The following SESTD1 variants were observed in gnomAD, a reference collection of about 807,000 sequenced individuals.
SESTD1 encodes SEC14 domain and spectrin repeat-containing protein 1.
Under a neutral mutation model 101.7 loss-of-function variants are expected in SESTD1, and 43 were observed. The ratio of observed to expected loss-of-function variants is 0.42; its 90% confidence interval spans 0.33 to 0.55. SESTD1 has a LOEUF of 0.55. Among genes scored for constraint, SESTD1 ranks in the 20% least tolerant of loss-of-function variants. The probability of loss-of-function intolerance (pLI) is 0.07; values close to 1 mark genes in which losing one functional copy is unlikely to be tolerated. For missense variants in SESTD1, 647 were observed against 815.1 expected, an observed-to-expected ratio of 0.79 and a Z score of 2.51; for synonymous variants, 283 against 286.8, an observed-to-expected ratio of 0.99 and a Z score of 0.13.
Position 179,105,229 on chromosome 2 carries a change from T to C in SESTD1, c.*4670A>G, listed in dbSNP as rs1468307332. On this transcript the variant is annotated 3_prime_UTR_variant, in exon 18 of 18. Transcript: ENST00000428443. ...TTGGGATACTTAAATAACAGATTTA[T>C]GCTGTTGTTGTTTCTACTGGTCGGT... 1 of 151,858 alleles carries C rather than the reference T, an allele frequency of 6.6e-6. No individual in the cohort carries two copies. Among genetic ancestry groups the C allele is most frequent in the Non-Finnish European group, 1.5e-5 (1 of 67,968 alleles). The allele number at this position is 151,858 out of a possible 1,614,324, so 9.4% of individuals were successfully genotyped here. A position where few individuals can be genotyped will look rare whatever the true frequency, so the allele number is the denominator to read the frequency against.
intron 1 of SESTD1, among the ~76,000 whole-genome samples, chr2:179,239,175 T>A (rs1284665261): frequency 6.6e-6 from 1 of 152,166 alleles, no homozygotes; most frequent in Non-Finnish European, 1.5e-5. Flanking sequence ...ATGGATTATA[T>A]AGGATGCTAT....
chr2:179,168,356 T>C (rs1490956287), intron 5 of SESTD1, among the ~76,000 whole-genome samples: 1 of 152,208 alleles, frequency 6.6e-6, no homozygotes, highest in Admixed American at 6.5e-5. Context: ...TTTGTGTTAA[T>C]TGACTGTTTA....
In SESTD1 at chr2:179,245,515, CAAAAAAAAAAA is replaced by C. The variant is rs59103658; in HGVS notation, c.-26+18973_-26+18983del. The stretch of plus-strand genomic sequence containing the variant: ...TGGGCGACAGAGTGAGACTCTGTCT[CAAAAAAAAAAA>C]AAAAAAAAAAAAAAAAGTAGCCAGA... On this transcript the variant is annotated intron_variant, in intron 1 of 17. Coordinates refer to ENST00000428443, the MANE Select transcript of SESTD1 (RefSeq NM_178123.5). Among the ~76,000 whole-genome samples the C allele has an allele frequency of 3.5e-4, 16 of 45,200 alleles. No individual in the cohort carries two copies. In the East Asian group the frequency reaches 6.7e-3, roughly 19 times the overall value. The allele number at this position is 45,200 out of a possible 152,430, so 29.7% of individuals were successfully genotyped here. A position where few individuals can be genotyped will look rare whatever the true frequency, so the allele number is the denominator to read the frequency against.
chr2:179,153,009 T>A (rs994818671), intron 5 of SESTD1, among the ~76,000 whole-genome samples: 2 of 151,994 alleles, frequency 1.3e-5, no homozygotes, highest in Non-Finnish European at 2.9e-5. Flanking sequence ...AAACTTCTGA[T>A]AGGAGGAAGC....
intron 1 of SESTD1, among the ~76,000 whole-genome samples, chr2:179,255,924 T>C (rs1337584746): frequency 6.6e-6 from 1 of 152,196 alleles, no homozygotes. Flanking sequence ...CAGTCTGTTC[T>C]CTATAAATGG....
At chr2:179,158,276 T>G (rs2045667134) in intron 5 of SESTD1, among the ~76,000 whole-genome samples, 1 of 152,204 alleles carries the variant, frequency 6.6e-6, no homozygotes, top group African/African-American at 2.4e-5. Flanking sequence ...ACATTTAATT[T>G]GGGCCATTCT....
rs959385618 is a variant in SESTD1, at chr2:179,106,386, C to T, written c.*3513G>A. 2.0e-5 allele frequency: 3 copies of T among 152,126 alleles called. No homozygotes were observed. The highest frequency in any genetic ancestry group is 6.6e-5 in the Admixed American group (1 of 15,260). The allele number at this position is 152,126 out of a possible 1,614,324, so 9.4% of individuals were successfully genotyped here. On this transcript the variant is annotated 3_prime_UTR_variant, in exon 18 of 18. Transcript: ENST00000428443. ...AGTAGTACATAATAATGCCCAATCTCTATTAGCAAGTAACTTACAATGTAG... is the reference window on the plus strand; with the variant it reads ...AGTAGTACATAATAATGCCCAATCTTTATTAGCAAGTAACTTACAATGTAG...
intron 4 of SESTD1, among the ~76,000 whole-genome samples, chr2:179,174,201 C>T (rs1192570943): frequency 6.6e-6 from 1 of 152,154 alleles, no homozygotes; most frequent in Non-Finnish European, 1.5e-5. Context: ...CAGTTATAGG[C>T]ACTGTGGGGT....
rs1461250497 is a variant in SESTD1 at position 179,185,690 on chromosome 2, A to ATATAGTATATTATATACAATATATAC, written c.56-2503_56-2502insGTATATATTGTATATAATATACTATA. ...TATATAATATAGCATATTATATATA[A>ATATAGTATATTATATACAATATATAC]TATAGTATATTATATACAATATATA... On this transcript the variant is annotated intron_variant, in intron 2 of 17. Transcript: ENST00000428443. Among the ~76,000 whole-genome samples, 27 of 126,650 alleles carry ATATAGTATATTATATACAATATATAC rather than the reference A, an allele frequency of 2.1e-4. No individual in the cohort carries two copies. The East Asian group carries it at 6.0e-3, about 28-fold the overall frequency. The allele number at this position is 126,650 out of a possible 152,430, so 83.1% of individuals were successfully genotyped here.
chr2:179,117,903 A>C (rs1205298725), intron 13 of SESTD1, among the ~76,000 whole-genome samples: 6 of 152,024 alleles, frequency 3.9e-5, no homozygotes, highest in Non-Finnish European at 8.8e-5. Flanking sequence ...ACTAAAACCC[A>C]AAAAAAATCT....
intron 5 of SESTD1, among the ~76,000 whole-genome samples, chr2:179,160,172 T>A (rs1219827172): frequency 6.6e-6 from 1 of 152,194 alleles, no homozygotes; most frequent in Non-Finnish European, 1.5e-5. Flanking sequence ...TCAAATTTTT[T>A]AAAGTCCATC....
chr2:179,227,480 T>C (rs532845907), intron 1 of SESTD1, among the ~76,000 whole-genome samples: 4 of 152,300 alleles, frequency 2.6e-5, no homozygotes, highest in Admixed American at 2.0e-4. Context: ...CTAGCAAGTA[T>C]TTCTAAGAAT....
Position 179,115,354 on chromosome 2 carries a change from C to T in SESTD1, c.1648-98G>A, listed in dbSNP as rs1057352566. On this transcript the variant is annotated intron_variant, in intron 15 of 17. Coordinates refer to ENST00000428443, the MANE Select transcript of SESTD1 (RefSeq NM_178123.5). ...AGATTGTCGTTACAGTTAAGTGACA[C>T]TACTAGAAATCAATACTGAATAAAT... 2.5e-5 allele frequency: 21 copies of T among 840,318 alleles called. No individual in the cohort carries two copies. In the African/African-American group the frequency reaches 2.8e-4, roughly 11 times the overall value. The allele number at this position is 840,318 out of a possible 1,614,324, so 52.1% of individuals were successfully genotyped here. A position where few individuals can be genotyped will look rare whatever the true frequency, so the allele number is the denominator to read the frequency against.
At chr2:179,113,346 C>T (rs1370466349) in intron 16 of SESTD1, among the ~76,000 whole-genome samples, 1 of 152,128 alleles carries the variant, frequency 6.6e-6, no homozygotes, top group Non-Finnish European at 1.5e-5. Context: ...ACTGATGTGA[C>T]AACTCAGCTA....
chr2:179,132,167 G>T (rs2045027947), intron 10 of SESTD1, 137 bp downstream of exon 10: 2 of 968,936 alleles, frequency 2.1e-6, no homozygotes, highest in Non-Finnish European at 2.8e-6. Flanking sequence ...TGTACTTTAT[G>T]ACCTCTAGGC....
At chr2:179,261,056 T>C (rs1246839758) in intron 1 of SESTD1, among the ~76,000 whole-genome samples, 1 of 152,188 alleles carries the variant, frequency 6.6e-6, no homozygotes, top group Non-Finnish European at 1.5e-5. Flanking sequence ...TACATACTAT[T>C]CAAATTCTGA....
intron 10 of SESTD1, among the ~76,000 whole-genome samples, chr2:179,129,654 T>G (rs1301778783): frequency 6.6e-6 from 1 of 152,214 alleles, no homozygotes; most frequent in Non-Finnish European, 1.5e-5. Flanking sequence ...CAGCTGTCAA[T>G]GCCAGAAATT....
intron 1 of SESTD1, among the ~76,000 whole-genome samples, chr2:179,251,444 C>T (rs1009560524): frequency 1.3e-5 from 2 of 152,084 alleles, no homozygotes; most frequent in Admixed American, 6.5e-5. Context: ...TATTAGTTAC[C>T]ATATGTGGAA....
intron 1 of SESTD1, among the ~76,000 whole-genome samples, chr2:179,249,578 C>T (rs2105554091): frequency 6.6e-6 from 1 of 152,158 alleles, no homozygotes; most frequent in South Asian, 2.1e-4. Flanking sequence ...AGAAACGTGT[C>T]AATTCTCTCT....
Sources: allele counts gnomAD v4.1 joint callset (sites outside exome capture counted in the v4.1 genomes callset), GRCh38; gene constraint gnomAD v4.1.1; transcripts MANE v1.5; gene names NCBI Gene and HGNC (gene_info 2026-07-23, HGNC 2026-07-21).